Variants in KLF16 observed in about 807,000 individuals in gnomAD.
KLF16 encodes the protein Krueppel-like factor 16.
A neutral mutation model predicts 6.1 loss-of-function variants in KLF16; 6 were observed. The observed-to-expected ratio is 0.98, with a 90% CI of 0.54 to 1.93. The LOEUF (loss-of-function observed/expected upper bound fraction) is 1.93, where lower values mean the gene tolerates loss of function less well. Among genes scored for constraint, KLF16 ranks in the 30% most tolerant of loss-of-function variants. KLF16 has a pLI of 0.01. For synonymous variants in KLF16, 211 were observed against 176.5 expected (o/e 1.20, Z -1.55); for missense variants, 355 against 363.8 (o/e 0.98, Z 0.20).
At chr19:1,859,184 G>A (rs1199516262) in intron 1 of KLF16, among the ~76,000 whole-genome samples, 3 of 152,004 alleles carry the variant, frequency 2.0e-5, no homozygotes, top group African/African-American at 4.8e-5. Context: ...AACCCTACAG[G>A]AGCGCATAGT....
chr19:1,863,033 G>A lies in KLF16; in HGVS notation c.457+8C>T. 1 of 1,368,868 alleles carries A rather than the reference G, an allele frequency of 7.3e-7. No individual in the cohort carries two copies. The highest frequency in any genetic ancestry group is 1.4e-5 in the South Asian group (1 of 72,226). 84.8% of individuals were successfully genotyped at this position (1,368,868 alleles called of 1,614,324 possible). A position where few individuals can be genotyped will look rare whatever the true frequency, so the allele number is the denominator to read the frequency against. Reference sequence around the variant, plus strand: ...CCCCGCAAGGGCCGGGATCGCGGCTGCACTCACCTGTGTGCGTCCGCAGGT... The same window carrying A: ...CCCCGCAAGGGCCGGGATCGCGGCTACACTCACCTGTGTGCGTCCGCAGGT... On this transcript the variant is annotated splice_region_variant and intron_variant, in intron 1 of 1. Coordinates refer to ENST00000250916, the MANE Select transcript of KLF16 (RefSeq NM_031918.4).
chr19:1,862,448 G>A (rs897290807), intron 1 of KLF16, among the ~76,000 whole-genome samples: 3 of 152,032 alleles, frequency 2.0e-5, no homozygotes, highest in East Asian at 1.9e-4. Context: ...CCAGACTCAG[G>A]CCCCAACCCG....
the KLF16 span, among the ~76,000 whole-genome samples, chr19:1,876,346 GAACCCTGCCC>G: frequency 6.6e-6 from 1 of 152,250 alleles, no homozygotes; most frequent in Non-Finnish European, 1.5e-5. Context: ...GACACAGGCT[GAACCCTGCCC>G]AACCCTAAGG....
chr19:1,855,755 C>A (rs1252132996), intron 1 of KLF16, among the ~76,000 whole-genome samples: 2 of 152,202 alleles, frequency 1.3e-5, no homozygotes, highest in African/African-American at 4.8e-5. Flanking sequence ...TGGGGAGGGG[C>A]AGGTCAGTCC....
upstream of KLF16, among the ~76,000 whole-genome samples, chr19:1,864,290 C>A (rs566932128): frequency 6.6e-6 from 1 of 152,214 alleles, no homozygotes; most frequent in Admixed American, 6.5e-5. Context: ...CCCTTCCCCC[C>A]TCTTCTCCCG....
At chr19:1,862,497 G>A (rs1018251432) in intron 1 of KLF16, among the ~76,000 whole-genome samples, 1 of 151,932 alleles carries the variant, frequency 6.6e-6, no homozygotes, top group East Asian at 1.9e-4. Flanking sequence ...AAAATACAGA[G>A]AACGCAGAGA....
intron 1 of KLF16, among the ~76,000 whole-genome samples, chr19:1,856,607 G>A (rs573238022): frequency 3.9e-4 from 59 of 152,280 alleles, no homozygotes; most frequent in Middle Eastern, 3.4e-3. Flanking sequence ...GCTGGGGGCC[G>A]TCTACAACCC....
rs1407933483 is a variant in KLF16 at position 1,852,526 on chromosome 19, CAGGTCCCAGTGAT to C, written c.*1920_*1932del. On this transcript the variant is annotated 3_prime_UTR_variant, in exon 2 of 2. Coordinates refer to ENST00000250916, the MANE Select transcript of KLF16 (RefSeq NM_031918.4). ...CGCCTCCCCTGCAAACGGCTGGAAC[CAGGTCCCAGTGAT>C]CAGCGACTCCTGGGAGAGTGGAGGG... is the stretch of plus-strand genomic sequence containing the variant. 6.6e-6 allele frequency: 1 copy of C among 152,190 alleles called. No individual in the cohort carries two copies. The highest frequency in any genetic ancestry group is 2.4e-5 in the African/African-American group (1 of 41,414). 9.4% of individuals were successfully genotyped at this position (152,190 alleles called of 1,614,324 possible).
intron 1 of KLF16, among the ~76,000 whole-genome samples, chr19:1,859,868 T>G (rs1198523912): frequency 6.6e-6 from 1 of 152,022 alleles, no homozygotes; most frequent in Non-Finnish European, 1.5e-5. Context: ...CATTTGTGAT[T>G]GTCACGACTG....
chr19:1,867,360 A>C (rs2012204072), upstream of KLF16, among the ~76,000 whole-genome samples: 1 of 152,218 alleles, frequency 6.6e-6, no homozygotes, highest in African/African-American at 2.4e-5. Context: ...GCTTGAGCCC[A>C]GGAGTTCAAG....
chr19:1,859,114 C>A (rs1047826188), intron 1 of KLF16, among the ~76,000 whole-genome samples: 1 of 151,708 alleles, frequency 6.6e-6, no homozygotes, highest in African/African-American at 2.4e-5. Context: ...TGCCCCACTC[C>A]GACCCTCCCC....
upstream of KLF16, among the ~76,000 whole-genome samples, chr19:1,867,067 A>C (rs758730259): frequency 6.6e-6 from 1 of 152,228 alleles, no homozygotes; most frequent in Non-Finnish European, 1.5e-5. Flanking sequence ...AGCAGGGGAC[A>C]GACAGCACCC....
chr19:1,874,776 A>AAC, the KLF16 span: 4 of 126,202 alleles, frequency 3.2e-5, no homozygotes, highest in Non-Finnish European at 4.9e-5. Context: ...AAAAAAAAAA[A>AAC]ACACTTCTAC....
chr19:1,864,306 G>A (rs956781426), upstream of KLF16, among the ~76,000 whole-genome samples: 1 of 152,132 alleles, frequency 6.6e-6, no homozygotes, highest in African/African-American at 2.4e-5. Context: ...TCCCGGCCTG[G>A]GGCCCTGCTT....
At chr19:1,865,307 TG>T (rs1338956644), upstream of KLF16, among the ~76,000 whole-genome samples, 1 of 152,234 alleles carries the variant, frequency 6.6e-6, no homozygotes, top group African/African-American at 2.4e-5. Context: ...CTGCTCCTGC[TG>T]GGCCTCTGTT....
intron 1 of KLF16, among the ~76,000 whole-genome samples, chr19:1,856,642 G>A (rs2011955111): frequency 6.6e-6 from 1 of 152,216 alleles, no homozygotes; most frequent in Admixed American, 6.5e-5. Flanking sequence ...GAGCAGCCCT[G>A]GAAGGGACCC....
intron 1 of KLF16, among the ~76,000 whole-genome samples, chr19:1,856,499 A>T (rs1255941463): frequency 1.3e-5 from 2 of 152,184 alleles, no homozygotes; most frequent in Non-Finnish European, 2.9e-5. Context: ...GCTGTCACCA[A>T]GACCAACAGT....
chr19:1,874,451 A>C, the KLF16 span, among the ~76,000 whole-genome samples: 3 of 152,296 alleles, frequency 2.0e-5, no homozygotes, highest in East Asian at 3.9e-4. Flanking sequence ...CCTTACCAGG[A>C]ATACTTTCTA....
chr19:1,874,867 A>C, the KLF16 span: 10 of 152,182 alleles, frequency 6.6e-5, no homozygotes, highest in African/African-American at 2.4e-4. Context: ...ATGAGCCAAG[A>C]AGATAAAATA....
Sources: allele counts gnomAD v4.1 joint callset (sites outside exome capture counted in the v4.1 genomes callset), GRCh38; gene constraint gnomAD v4.1.1; transcripts MANE v1.5; gene names NCBI Gene and HGNC (gene_info 2026-07-23, HGNC 2026-07-21).